The following LRP2BP variants were observed in gnomAD, a reference collection of about 807,000 sequenced individuals.
LRP2BP encodes the protein LRP2 binding protein, also known as LRP2-binding protein.
Under a neutral mutation model 45.2 loss-of-function variants are expected in LRP2BP, and 38 were observed. The observed-to-expected ratio is 0.84, with a 90% CI of 0.65 to 1.10. The LOEUF is 1.10. Among genes scored for constraint, LRP2BP ranks in the 50% least tolerant of loss-of-function variants. LRP2BP has a pLI of 0.00. For missense variants in LRP2BP, 385 were observed against 418.9 expected (o/e 0.92, Z 0.71); for synonymous variants, 153 against 153.9 (o/e 0.99, Z 0.04).
In LRP2BP at chr4:185,367,060, C is replaced by A. The variant is rs183507953; in HGVS notation, c.*120G>T. ...ATTCAAGAACGAAGTAACATGTCAC[C>A]TGTAAAATACCCAGGATAGTGTAAT... On this transcript the variant is annotated 3_prime_UTR_variant, in exon 9 of 9. Transcript: ENST00000505916. 205 of 860,498 alleles carry A rather than the reference C, an allele frequency of 2.4e-4. No homozygotes were observed. Among genetic ancestry groups the A allele is most frequent in the Non-Finnish European group, 3.4e-4 (184 of 546,342 alleles). 53.3% of individuals were successfully genotyped at this position (860,498 alleles called of 1,614,324 possible). A position where few individuals can be genotyped will look rare whatever the true frequency, so the allele number is the denominator to read the frequency against.
At chr4:185,397,047 G>C (rs548345746), upstream of LRP2BP, 35 of 1,610,132 alleles carry the variant, frequency 2.2e-5, no homozygotes, top group South Asian at 6.6e-5. Flanking sequence ...ACTGGGCGCT[G>C]CCTGGTCAGA....
rs918991532 is a variant in LRP2BP at position 185,374,198 on chromosome 4, A to G, written c.516T>C (p.Ser172=). Residue 172 remains serine, a synonymous_variant, in exon 6 of 9, where the codon AGT becomes AGC. Transcript: ENST00000505916. ...IAADNGNPKA[S]VKAQSMLGLY... is the part of the protein sequence containing the mutation. Reference sequence around the variant, plus strand: ...GCCCGAGCATACTTTGAGCCTTCACACTAGCTTTGGGATTTCCATTGTCTG... The same window carrying G: ...GCCCGAGCATACTTTGAGCCTTCACGCTAGCTTTGGGATTTCCATTGTCTG... The G allele has an allele frequency of 5.0e-6, 8 of 1,614,130 alleles. No homozygotes were observed. The East Asian group carries it at 6.7e-5, about 13-fold the overall frequency.
intron 1 of LRP2BP, among the ~76,000 whole-genome samples, chr4:185,392,542 T>C (rs1291453945): frequency 6.6e-6 from 1 of 152,072 alleles, no homozygotes; most frequent in Non-Finnish European, 1.5e-5. Context: ...GACAGTGGCA[T>C]TGCAATGAAG....
At chr4:185,375,516 G>GTATATATATATGTATA (rs1554018470) in intron 4 of LRP2BP, 97 bp downstream of exon 4, 1,285 of 46,386 alleles carry the variant, frequency 0.028, 29 homozygotes, top group East Asian at 0.042. Flanking sequence ...ATATATATAT[G>GTATATATATATGTATA]TATATATATA....
At chr4:185,396,893 A>G, upstream of LRP2BP, 4 of 1,612,606 alleles carry the variant, frequency 2.5e-6, no homozygotes, top group Non-Finnish European at 2.5e-6. Flanking sequence ...CTGCACTTCC[A>G]AGGACTCTTG....
intron 1 of LRP2BP, chr4:185,378,428 G>T: frequency 7.5e-7 from 1 of 1,328,398 alleles, no homozygotes; most frequent in Non-Finnish European, 9.6e-7. Flanking sequence ...ATTTTCCACA[G>T]CATCGCATTC....
upstream of LRP2BP, chr4:185,397,181 G>A: frequency 6.2e-7 from 1 of 1,613,730 alleles, no homozygotes; most frequent in African/African-American, 1.3e-5. Flanking sequence ...CTGGAGACAG[G>A]GGCCTCGGTC....
chr4:185,380,744 A>C (rs1025638411), intron 1 of LRP2BP, among the ~76,000 whole-genome samples: 2 of 152,198 alleles, frequency 1.3e-5, no homozygotes, highest in Non-Finnish European at 2.9e-5. Context: ...CATGCTCTTC[A>C]GAGGCCCCAA....
chr4:185,371,527 G>A (rs1432419158), intron 7 of LRP2BP, among the ~76,000 whole-genome samples: 1 of 124,610 alleles, frequency 8.0e-6, no homozygotes, highest in African/African-American at 3.1e-5. Context: ...GGGCAACAGA[G>A]CGAGACTCCG....
chr4:185,384,146 T>C (rs2095463583), intron 1 of LRP2BP, among the ~76,000 whole-genome samples: 1 of 152,170 alleles, frequency 6.6e-6, no homozygotes, highest in Non-Finnish European at 1.5e-5. Context: ...GGGAGGGTTC[T>C]GCTCTTAAGG....
intron 1 of LRP2BP, chr4:185,378,646 G>T: frequency 6.1e-6 from 6 of 987,656 alleles, no homozygotes; most frequent in Non-Finnish European, 7.2e-6. Context: ...TATTTTACCT[G>T]GGAATACACT....
intron 1 of LRP2BP, among the ~76,000 whole-genome samples, chr4:185,391,141 A>G (rs2095487303): frequency 6.6e-6 from 1 of 152,210 alleles, no homozygotes; most frequent in South Asian, 2.1e-4. Flanking sequence ...TGTATCCTAA[A>G]GAATGTCCCC....
Position 185,373,093 on chromosome 4 carries a change from A to G in LRP2BP, c.580-14T>C, listed in dbSNP as rs145461606. On this transcript the variant is annotated splice_polypyrimidine_tract_variant and intron_variant, in intron 6 of 8. Transcript: ENST00000505916. ...CCAGTAAAATGCCTAAGAAAAGCAC[A>G]GTTTCATCATTGTATTTGTGATCCA... is the stretch of plus-strand genomic sequence containing the variant. The G allele has an allele frequency of 1.0e-5, 16 of 1,592,544 alleles. No individual in the cohort carries two copies. The highest frequency in any genetic ancestry group is 5.4e-5 in the African/African-American group (4 of 74,668).
chr4:185,365,414 T>A lies in LRP2BP; in HGVS notation c.*1766A>T, dbSNP rs1035620109. ...TTGTCACCGAGGCTGGAGTGCAATTTGCGCGATCTCAGCTCACTGCAACCT... is the reference window on the plus strand; with the variant it reads ...TTGTCACCGAGGCTGGAGTGCAATTAGCGCGATCTCAGCTCACTGCAACCT... On this transcript the variant is annotated 3_prime_UTR_variant, in exon 9 of 9. Transcript: ENST00000505916. 4 of 151,992 alleles carry A rather than the reference T, an allele frequency of 2.6e-5. No individual in the cohort carries two copies. The East Asian group carries it at 7.7e-4, about 29-fold the overall frequency. The allele number at this position is 151,992 out of a possible 1,614,324, so 9.4% of individuals were successfully genotyped here.
intron 1 of LRP2BP, among the ~76,000 whole-genome samples, chr4:185,388,129 G>A (rs948390973): frequency 2.0e-5 from 3 of 152,190 alleles, no homozygotes; most frequent in African/African-American, 7.2e-5. Context: ...CCAGATGATG[G>A]AGGAGTTCCA....
At chr4:185,392,766 G>T (rs561314858) in intron 1 of LRP2BP, among the ~76,000 whole-genome samples, 1 of 152,216 alleles carries the variant, frequency 6.6e-6, no homozygotes, top group South Asian at 2.1e-4. Flanking sequence ...TACTTCTAAG[G>T]CTCAGTGGAC....
chr4:185,387,981 C>T (rs906928369), intron 1 of LRP2BP, among the ~76,000 whole-genome samples: 12 of 152,160 alleles, frequency 7.9e-5, no homozygotes, highest in African/African-American at 2.9e-4. Flanking sequence ...TGTGACGAGC[C>T]CTCGACAGGA....
At chr4:185,391,582 T>C (rs1460752557) in intron 1 of LRP2BP, among the ~76,000 whole-genome samples, 1 of 152,242 alleles carries the variant, frequency 6.6e-6, no homozygotes, top group East Asian at 1.9e-4. Context: ...AATCCAACAG[T>C]ACCTGAGTTA....
At chr4:185,392,761 C>A (rs769453722) in intron 1 of LRP2BP, among the ~76,000 whole-genome samples, 1 of 152,136 alleles carries the variant, frequency 6.6e-6, no homozygotes, top group Non-Finnish European at 1.5e-5. Flanking sequence ...ATCGTTACTT[C>A]TAAGGCTCAG....
Sources: allele counts gnomAD v4.1 joint callset (sites outside exome capture counted in the v4.1 genomes callset), GRCh38; gene constraint gnomAD v4.1.1; transcripts MANE v1.5; gene names NCBI Gene and HGNC (gene_info 2026-07-23, HGNC 2026-07-21).